The following TBCD variants were observed in gnomAD, a reference collection of about 807,000 sequenced individuals.
TBCD encodes tubulin folding cofactor D.
TBCD carries 105 observed loss-of-function variants against 169.3 expected under a neutral mutation model. That is an observed-to-expected ratio of 0.62 (90% confidence interval 0.53 to 0.73). TBCD has a LOEUF of 0.73. Ranked by LOEUF, TBCD falls within the 30% of genes least tolerant of loss-of-function variation. The pLI is 0.00. For synonymous variants in TBCD, 700 were observed against 643.9 expected, an observed-to-expected ratio of 1.09 and a Z score of -1.32; for missense variants, 1,444 against 1,600.1, an observed-to-expected ratio of 0.90 and a Z score of 1.66.
chr17:82,932,755 G>C lies in TBCD; in HGVS notation c.3191+20G>C, dbSNP rs2062311624. On this transcript the variant is annotated intron_variant, in intron 34 of 38. Transcript: ENST00000355528. ...GGAGGAGTGAGGCTCTGCTTTTCAT[G>C]ACTTCCTTTCCGATTAAGCCTAAGT... 6.2e-7 allele frequency: 1 copy of C among 1,613,004 alleles called. No individual in the cohort carries two copies. The highest frequency in any genetic ancestry group is 1.3e-5 in the African/African-American group (1 of 75,014).
intron 13 of TBCD, chr17:82,858,471 AG>A (rs1311261678): frequency 1.7e-6 from 1 of 588,778 alleles, no homozygotes; most frequent in Non-Finnish European, 2.1e-6. Context: ...AATAAAATGC[AG>A]GTTGGCCAGT....
chr17:82,909,205 C>G (rs2060447615), intron 21 of TBCD, 80 bp from the exon 22 acceptor site: 4 of 1,194,394 alleles, frequency 3.3e-6, no homozygotes, highest in Non-Finnish European at 4.7e-6. Context: ...TCTCTTTGTT[C>G]TTGTTTTTGA....
At chr17:82,845,114 G>A (rs1016601739) in intron 13 of TBCD, among the ~76,000 whole-genome samples, 2 of 152,100 alleles carry the variant, frequency 1.3e-5, no homozygotes, top group African/African-American at 2.4e-5. Flanking sequence ...CTGGCGCCGC[G>A]GCCTCTGTGT....
intron 17 of TBCD, among the ~76,000 whole-genome samples, chr17:82,899,896 G>C (rs1474245848): frequency 6.6e-6 from 1 of 151,920 alleles, no homozygotes. Flanking sequence ...TGTGTTTATT[G>C]GCCTTTTATT....
At chr17:82,942,423 C>T in intron 38 of TBCD, 26 bp from the exon 39 acceptor site, 1 of 1,613,948 alleles carries the variant, frequency 6.2e-7, no homozygotes, top group South Asian at 1.1e-5. Flanking sequence ...GCTGACCAGC[C>T]TGAGCTTGTC....
intron 9 of TBCD, among the ~76,000 whole-genome samples, chr17:82,802,330 C>T (rs748916764): frequency 2.0e-5 from 3 of 151,944 alleles, no homozygotes; most frequent in Non-Finnish European, 4.4e-5. Context: ...GCTCACACTC[C>T]GTCCTGGATG....
chr17:82,779,604 AGTAG>A (rs2048814685), intron 6 of TBCD, among the ~76,000 whole-genome samples: 1 of 152,166 alleles, frequency 6.6e-6, no homozygotes, highest in South Asian at 2.1e-4. Flanking sequence ...GCCATGACCG[AGTAG>A]GATGGCACGT....
chr17:82,828,911 C>T (rs969063525), intron 13 of TBCD, among the ~76,000 whole-genome samples: 4 of 150,182 alleles, frequency 2.7e-5, no homozygotes, highest in Admixed American at 6.6e-5. Context: ...GGTATGTACA[C>T]ATGCACACCT....
intron 5 of TBCD, among the ~76,000 whole-genome samples, chr17:82,769,090 G>C (rs1248292326): frequency 6.6e-6 from 1 of 152,176 alleles, no homozygotes; most frequent in Non-Finnish European, 1.5e-5. Context: ...TTGAGTGTTT[G>C]ACACACATTT....
At chr17:82,769,898 T>C (rs1411005591) in intron 5 of TBCD, among the ~76,000 whole-genome samples, 1 of 150,592 alleles carries the variant, frequency 6.6e-6, no homozygotes, top group East Asian at 1.9e-4. Flanking sequence ...AAAAAAAATT[T>C]AACCTATACG....
intron 15 of TBCD, among the ~76,000 whole-genome samples, chr17:82,887,808 C>T (rs1001631542): frequency 1.3e-5 from 2 of 152,178 alleles, no homozygotes; most frequent in African/African-American, 4.8e-5. Flanking sequence ...GGTGATACGT[C>T]GTTGTGGTCT....
intron 36 of TBCD, among the ~76,000 whole-genome samples, 154 bp downstream of exon 36, chr17:82,938,290 C>T (rs1490609539): frequency 6.6e-6 from 1 of 152,254 alleles, no homozygotes; most frequent in Non-Finnish European, 1.5e-5. Context: ...AGGCACGCGG[C>T]TGCCAAGGGG....
chr17:82,913,901 C>T (rs1437262848), intron 23 of TBCD: 1 of 152,280 alleles, frequency 6.6e-6, no homozygotes, highest in Non-Finnish European at 1.5e-5. Context: ...AACCGCAGGT[C>T]CTGGAGCCTC....
At chr17:82,780,881 C>T (rs1335108022) in intron 6 of TBCD, among the ~76,000 whole-genome samples, 2 of 151,830 alleles carry the variant, frequency 1.3e-5, no homozygotes, top group African/African-American at 2.4e-5. Context: ...CTCCTGACCT[C>T]GTGATCCGCC....
intron 20 of TBCD, among the ~76,000 whole-genome samples, 182 bp from the exon 21 acceptor site, chr17:82,907,579 G>A (rs1335190073): frequency 6.6e-6 from 1 of 152,236 alleles, no homozygotes; most frequent in Admixed American, 6.5e-5. Flanking sequence ...TCGGAGGTAT[G>A]TCCTGCAGAG....
intron 14 of TBCD, among the ~76,000 whole-genome samples, chr17:82,877,408 C>G (rs542521469): frequency 6.6e-6 from 1 of 151,998 alleles, no homozygotes; most frequent in South Asian, 2.1e-4. Flanking sequence ...TGCAGTGGTG[C>G]GATCTTGGCT....
chr17:82,929,645 G>T, intron 32 of TBCD, 145 bp downstream of exon 32: 1 of 1,160,490 alleles, frequency 8.6e-7, no homozygotes, highest in Non-Finnish European at 1.2e-6. Context: ...GGGGGTCAGG[G>T]GCCCAGTGTC....
intron 15 of TBCD, among the ~76,000 whole-genome samples, chr17:82,886,795 G>A (rs7213142): frequency 0.012 from 1,833 of 148,424 alleles, 52 homozygotes; most frequent in African/African-American, 0.043. Flanking sequence ...TCAGCCTCCC[G>A]AGTAGCTGGG....
intron 7 of TBCD, among the ~76,000 whole-genome samples, chr17:82,797,423 A>G (rs941592501): frequency 1.3e-5 from 2 of 152,072 alleles, no homozygotes; most frequent in African/African-American, 4.8e-5. Flanking sequence ...ACCTACTGAG[A>G]TATCTTCTTT....
Sources: gnomAD v4.1 joint callset for allele counts (sites outside exome capture counted in the v4.1 genomes callset) on GRCh38, gnomAD v4.1.1 for gene constraint, MANE v1.5 for transcripts, NCBI Gene and HGNC (gene_info 2026-07-23, HGNC 2026-07-21) for gene names.